The following CHRNA5 variants were observed in gnomAD, a reference collection of about 807,000 sequenced individuals.
The protein encoded by CHRNA5 is neuronal acetylcholine receptor subunit alpha-5.
A neutral mutation model predicts 41.2 loss-of-function variants in CHRNA5; 28 were observed. The ratio of observed to expected loss-of-function variants is 0.68; its 90% confidence interval spans 0.50 to 0.93. The LOEUF is 0.93. Ranked by LOEUF, CHRNA5 falls within the 40% of genes least tolerant of loss-of-function variation. The pLI is 0.00. For missense variants in CHRNA5, 481 were observed against 581.9 expected, an observed-to-expected ratio of 0.83 and a Z score of 1.78; for synonymous variants, 188 against 205.8, an observed-to-expected ratio of 0.91 and a Z score of 0.74.
rs754813352 is a variant in CHRNA5 at position 78,590,092 on chromosome 15, G to A, written c.701G>A (p.Cys234Tyr). 1.1e-5 allele frequency: 18 copies of A among 1,614,116 alleles called. No individual in the cohort carries two copies. The highest frequency in any genetic ancestry group is 4.0e-5 in the African/African-American group (3 of 74,934). The change falls in exon 5 of 6, where the codon TGT becomes TAT. Residue 234 changes from cysteine to tyrosine, a missense_variant. Cys to Tyr is a radical substitution (Grantham distance 194, BLOSUM62 -2). Transcript: ENST00000299565. ...AGCAAAGGAAACAGAACCGACAGCT[G>A]TTGCTGGTATCCGTATGTCACTTAC...
At chr15:78,589,832 T>C in exon 5 of CHRNA5, 1 of 1,605,764 alleles carries the variant, frequency 6.2e-7, no homozygotes, top group Non-Finnish European at 8.5e-7. Context: ...AAGGGACCAG[T>C]ACGAAAACAG....
chr15:78,593,356 C>CTAAA, exon 6 of CHRNA5: 1 of 1,155,042 alleles, frequency 8.7e-7, no homozygotes, highest in Non-Finnish European at 1.2e-6. Context: ...TTAGTGCAAG[C>CTAAA]TTTAACAGAC....
intron 5 of CHRNA5, 117 bp from the exon 6 acceptor site, chr15:78,592,975 A>T: frequency 8.0e-7 from 1 of 1,242,470 alleles, no homozygotes; most frequent in Non-Finnish European, 1.1e-6. Flanking sequence ...CTTACCGTTT[A>T]GAGGCAGCAA....
At position 78,566,455 on chromosome 15, in the gene CHRNA5, G is replaced by C. The variant is rs547774729; in HGVS notation, c.106+630G>C. ...TTTCAAGAGGTTTTGGACAGGAATG[G>C]AAACAACAAAAGAAATCGCGTAGTC... On this transcript the variant is annotated intron_variant, in intron 1 of 5. Coordinates refer to ENST00000299565, the Ensembl canonical transcript of CHRNA5. 5.9e-5 allele frequency among the ~76,000 whole-genome samples: 9 copies of C among 152,316 alleles called. 1 individual carries two copies. The highest frequency in any genetic ancestry group is 2.2e-4 in the African/African-American group (9 of 41,574).
intron 2 of CHRNA5, among the ~76,000 whole-genome samples, chr15:78,584,769 T>C (rs960153616): frequency 6.6e-6 from 1 of 152,216 alleles, no homozygotes; most frequent in Non-Finnish European, 1.5e-5. Flanking sequence ...TATAAATGCC[T>C]CTGTTTAGAA....
intron 2 of CHRNA5, among the ~76,000 whole-genome samples, chr15:78,582,129 G>C (rs1179194257): frequency 2.0e-5 from 3 of 152,270 alleles, no homozygotes; most frequent in Non-Finnish European, 4.4e-5. Flanking sequence ...TATGTGGACT[G>C]TGTGTGCTCA....
Position 78,588,484 on chromosome 15 carries a change from G to GT in CHRNA5, c.413+61_413+62insT. On this transcript the variant is annotated intron_variant, in intron 4 of 5. Coordinates refer to ENST00000299565, the Ensembl canonical transcript of CHRNA5. The surrounding 1 kb of genome is among the most constrained non-coding windows in gnomAD (Gnocchi z 4.1). Reference sequence around the variant, plus strand: ...AAAGAAAACATTTGTATTTCTATTAGGCACTAATAATTTTTCTCCCTTTTG... The same window carrying GT: ...AAAGAAAACATTTGTATTTCTATTAGTGCACTAATAATTTTTCTCCCTTTTG... 3.8e-6 allele frequency: 3 copies of GT among 793,188 alleles called. No homozygotes were observed. The highest frequency in any genetic ancestry group is 5.6e-6 in the Non-Finnish European group (3 of 536,348). 49.1% of individuals were successfully genotyped at this position (793,188 alleles called of 1,614,324 possible).
intron 1 of CHRNA5, among the ~76,000 whole-genome samples, chr15:78,577,245 G>A (rs894718314): frequency 1.3e-5 from 2 of 152,222 alleles, no homozygotes; most frequent in Admixed American, 6.5e-5. Flanking sequence ...CTTTTCATAC[G>A]TATATCCTGA....
chr15:78,584,398 T>C (rs1263415599), intron 2 of CHRNA5, among the ~76,000 whole-genome samples: 1 of 152,268 alleles, frequency 6.6e-6, no homozygotes, highest in African/African-American at 2.4e-5. Context: ...TTCCATTTGT[T>C]AGTTTAGGTT....
chr15:78,573,144 G>A (rs1488507928), intron 1 of CHRNA5, among the ~76,000 whole-genome samples: 2 of 152,190 alleles, frequency 1.3e-5, no homozygotes, highest in South Asian at 2.1e-4. Flanking sequence ...AGACATGATT[G>A]GTTGTCATGT....
At chr15:78,566,791 C>T (rs1377043570) in intron 1 of CHRNA5, among the ~76,000 whole-genome samples, 2 of 151,736 alleles carry the variant, frequency 1.3e-5, no homozygotes, top group Non-Finnish European at 2.9e-5. Flanking sequence ...TAGTGTAGAC[C>T]GAAGAGAAAT....
rs533846975 is a variant in CHRNA5 at position 78,577,625 on chromosome 15, T to G, written c.107-3186T>G. Among the ~76,000 whole-genome samples the G allele has an allele frequency of 5.1e-4, 77 of 152,274 alleles. 2 individuals carry two copies. The South Asian group carries it at 0.016, about 31-fold the overall frequency. ...TTTCCCCCACTCAGGCAAAGGTTCCTTTAGATGCTATTGACAGACATTTTA... is the reference window on the plus strand; with the variant it reads ...TTTCCCCCACTCAGGCAAAGGTTCCGTTAGATGCTATTGACAGACATTTTA... On this transcript the variant is annotated intron_variant, in intron 1 of 5. Coordinates refer to ENST00000299565, the Ensembl canonical transcript of CHRNA5.
intron 1 of CHRNA5, among the ~76,000 whole-genome samples, chr15:78,573,546 A>G (rs564643317): frequency 7.2e-5 from 11 of 152,362 alleles, no homozygotes; most frequent in Middle Eastern, 3.4e-3. Context: ...TGAACAAGAT[A>G]TCACGTTAGG....
intron 1 of CHRNA5, among the ~76,000 whole-genome samples, chr15:78,580,109 G>A (rs2052897082): frequency 6.6e-6 from 1 of 151,360 alleles, no homozygotes; most frequent in African/African-American, 2.4e-5. Context: ...GTGGAACCCC[G>A]TCTCTACTAA....
intron 5 of CHRNA5, among the ~76,000 whole-genome samples, chr15:78,591,484 T>C (rs112611290): frequency 0.032 from 4,862 of 151,910 alleles, 268 homozygotes; most frequent in African/African-American, 0.11. Flanking sequence ...ATTTTAAACC[T>C]ATGACTATAG....
In CHRNA5 at chr15:78,589,900, G is replaced by GTA; in HGVS notation, c.510_511dup (p.Thr171IlefsTer3). ...CCACCGGCAAACTACAAAAGTTCCT[G>GTA]TACCATAGATGTCACGTTTTTCCCA... On this transcript the variant is annotated frameshift_variant, in exon 5 of 6. Coordinates refer to ENST00000299565, the Ensembl canonical transcript of CHRNA5. LOFTEE classifies it high-confidence loss of function. The GTA allele has an allele frequency of 6.2e-7, 1 of 1,614,202 alleles. No homozygotes were observed. The highest frequency in any genetic ancestry group is 8.5e-7 in the Non-Finnish European group (1 of 1,180,030).
At chr15:78,570,144 A>G (rs1185918718) in intron 1 of CHRNA5, among the ~76,000 whole-genome samples, 1 of 152,124 alleles carries the variant, frequency 6.6e-6, no homozygotes, top group African/African-American at 2.4e-5. Context: ...TATAATGACA[A>G]TATGATAGAA....
chr15:78,568,833 C>T (rs1401078365), intron 1 of CHRNA5, among the ~76,000 whole-genome samples: 3 of 151,970 alleles, frequency 2.0e-5, no homozygotes, highest in Non-Finnish European at 4.4e-5. Context: ...TATGGCTGCA[C>T]GCTATGTGAC....
exon 2 of CHRNA5, chr15:78,580,850 G>A (rs199919224): frequency 3.1e-6 from 5 of 1,613,126 alleles, no homozygotes; most frequent in Non-Finnish European, 4.2e-6. Context: ...CATGAAGATA[G>A]TTTGCTTAAG....
Sources: allele counts gnomAD v4.1 joint callset (sites outside exome capture counted in the v4.1 genomes callset), GRCh38; gene constraint gnomAD v4.1.1; non-coding constraint Gnocchi (gnomAD v3.1); transcripts MANE v1.5; gene names NCBI Gene and HGNC (gene_info 2026-07-23, HGNC 2026-07-21).